CCDC18: variants seen among roughly 807,000 people sequenced by gnomAD.
CCDC18 encodes coiled-coil domain-containing protein 18.
Under a neutral mutation model 196.0 loss-of-function variants are expected in CCDC18, and 157 were observed. That is an observed-to-expected ratio of 0.80 (90% confidence interval 0.70 to 0.91). CCDC18 has a LOEUF of 0.91. Among genes scored for constraint, CCDC18 ranks in the 40% least tolerant of loss-of-function variants. The pLI is 0.00. For synonymous variants in CCDC18, 482 were observed against 529.2 expected, an observed-to-expected ratio of 0.91 and a Z score of 1.22; for missense variants, 1,465 against 1,611.6, an observed-to-expected ratio of 0.91 and a Z score of 1.56.
chr1:93,202,434 A>G (rs773665606), intron 7 of CCDC18, among the ~76,000 whole-genome samples: 12 of 152,232 alleles, frequency 7.9e-5, no homozygotes, highest in African/African-American at 1.7e-4. Context: ...TAGTGAGTTT[A>G]TTACATTCAT....
chr1:93,219,611 G>A (rs1657085882), intron 14 of CCDC18, among the ~76,000 whole-genome samples: 2 of 152,216 alleles, frequency 1.3e-5, no homozygotes, highest in South Asian at 4.1e-4. Context: ...ATAGTGGGAC[G>A]TCATGAGATT....
At chr1:93,193,479 TTTTCTC>T in intron 5 of CCDC18, 131 bp from the exon 6 acceptor site, 1 of 532,992 alleles carries the variant, frequency 1.9e-6, no homozygotes, top group Non-Finnish European at 3.1e-6. Flanking sequence ...GAATATGCCT[TTTTCTC>T]TATCTCTTTT....
intron 16 of CCDC18, among the ~76,000 whole-genome samples, chr1:93,226,012 G>A (rs1658223872): frequency 6.6e-6 from 1 of 152,018 alleles, no homozygotes; most frequent in South Asian, 2.1e-4. Flanking sequence ...TACTACCCTA[G>A]GCTTTTGCCA....
chr1:93,278,344 T>A (rs1665746260), intron 28 of CCDC18, 119 bp from the exon 29 acceptor site: 1 of 395,712 alleles, frequency 2.5e-6, no homozygotes, highest in Admixed American at 3.6e-5. Flanking sequence ...TATTTTTCAG[T>A]AGACTAAATA....
chr1:93,268,676 T>C (rs1230274360), intron 27 of CCDC18, among the ~76,000 whole-genome samples: 1 of 151,976 alleles, frequency 6.6e-6, no homozygotes, highest in East Asian at 1.9e-4. Context: ...CATGAAAAAA[T>C]GTTCATCATC....
At position 93,270,814 on chromosome 1, in the gene CCDC18, GGTA is replaced by G. The variant is rs1665189520; in HGVS notation, c.4353+1_4353+3del. The G allele has an allele frequency of 1.3e-6, 2 of 1,516,604 alleles. No homozygotes were observed. Among genetic ancestry groups the G allele is most frequent in the Non-Finnish European group, 1.8e-6 (2 of 1,131,356 alleles). 93.9% of individuals were successfully genotyped at this position (1,516,604 alleles called of 1,614,324 possible). A position where few individuals can be genotyped will look rare whatever the true frequency, so the allele number is the denominator to read the frequency against. On this transcript the variant is annotated splice_donor_variant and splice_donor_region_variant and intron_variant, in intron 28 of 28. Transcript: ENST00000690025. LOFTEE classifies it high-confidence loss of function. ...TGCAAACAGGTGCTGGTTTAAATCA[GGTA>G]TGTATTTTATACACTGTAAACTGTA... is the stretch of plus-strand genomic sequence containing the variant.
At position 93,228,757 on chromosome 1, in the gene CCDC18, C is replaced by T. The variant is rs375319895; in HGVS notation, c.2292+2308C>T. 2.5e-4 allele frequency among the ~76,000 whole-genome samples: 38 copies of T among 151,940 alleles called. 1 individual carries two copies. The South Asian group carries it at 7.7e-3, about 31-fold the overall frequency. The stretch of plus-strand genomic sequence containing the variant: ...TGGCATTTATTCTACTGCCCATACC[C>T]ACACTCCGCTTCATAATAAATAGAC... On this transcript the variant is annotated intron_variant, in intron 17 of 28. Transcript: ENST00000690025.
chr1:93,220,199 C>A (rs1316232280), intron 14 of CCDC18, among the ~76,000 whole-genome samples: 1 of 152,044 alleles, frequency 6.6e-6, no homozygotes. Context: ...GATTTCTCAT[C>A]AAAAACTATG....
chr1:93,274,187 G>A (rs1429194901), intron 28 of CCDC18, among the ~76,000 whole-genome samples: 9 of 151,902 alleles, frequency 5.9e-5, no homozygotes, highest in Admixed American at 5.2e-4. Context: ...GGTGGATCAC[G>A]AGGTCAGGAG....
chr1:93,223,385 A>G (rs757123860), intron 16 of CCDC18, among the ~76,000 whole-genome samples: 1 of 152,224 alleles, frequency 6.6e-6, no homozygotes, highest in African/African-American at 2.4e-5. Context: ...CTGATTCTAC[A>G]CATAAGTTAT....
At chr1:93,273,516 A>T (rs1570671104) in intron 28 of CCDC18, 2 of 152,408 alleles carry the variant, frequency 1.3e-5, no homozygotes, top group South Asian at 4.1e-4. Context: ...AAAGTCTAGT[A>T]GAATTGCCAG....
chr1:93,269,323 G>GC (rs1394665029), intron 27 of CCDC18, among the ~76,000 whole-genome samples: 1 of 151,516 alleles, frequency 6.6e-6, no homozygotes, highest in Non-Finnish European at 1.5e-5. Context: ...AATCCCTAAT[G>GC]TAAATGACGA....
chr1:93,259,603 G>T (rs1179832958), intron 26 of CCDC18, among the ~76,000 whole-genome samples: 1 of 152,176 alleles, frequency 6.6e-6, no homozygotes, highest in Non-Finnish European at 1.5e-5. Flanking sequence ...GATTGGTAGG[G>T]CTTGTGGGGA....
At chr1:93,249,758 A>C (rs551193213) in intron 23 of CCDC18, among the ~76,000 whole-genome samples, 2 of 152,336 alleles carry the variant, frequency 1.3e-5, no homozygotes, top group South Asian at 4.1e-4. Flanking sequence ...CATCATTTTC[A>C]GTAATATGTC....
At chr1:93,180,533 G>C (rs1649365386), upstream of CCDC18, 2 of 1,515,272 alleles carry the variant, frequency 1.3e-6, no homozygotes, top group African/African-American at 1.4e-5. Flanking sequence ...CGGTTCCCAT[G>C]GCTTCCCCCA....
At chr1:93,197,562 G>A (rs1557611475) in intron 6 of CCDC18, among the ~76,000 whole-genome samples, 1 of 151,450 alleles carries the variant, frequency 6.6e-6, no homozygotes, top group Non-Finnish European at 1.5e-5. Flanking sequence ...ATAGCTATTA[G>A]GGTTATCAAA....
At chr1:93,257,305 G>A (rs1663145724) in intron 25 of CCDC18, among the ~76,000 whole-genome samples, 1 of 147,276 alleles carries the variant, frequency 6.8e-6, no homozygotes, top group African/African-American at 2.5e-5. Flanking sequence ...GTAACTTTTA[G>A]GAAACCTGTA....
upstream of CCDC18, chr1:93,180,359 G>C: frequency 1.5e-6 from 2 of 1,347,394 alleles, no homozygotes; most frequent in Non-Finnish European, 2.0e-6. Context: ...AGAAACTCCA[G>C]GTGGCGGCCG....
intron 19 of CCDC18, among the ~76,000 whole-genome samples, chr1:93,237,175 G>A (rs1660175879): frequency 6.6e-6 from 1 of 152,170 alleles, no homozygotes; most frequent in African/African-American, 2.4e-5. Flanking sequence ...TTCCTCAGAT[G>A]TCTGTCACCC....
Sources: gnomAD v4.1 joint callset for allele counts (sites outside exome capture counted in the v4.1 genomes callset) on GRCh38, gnomAD v4.1.1 for gene constraint, MANE v1.5 for transcripts, NCBI Gene and HGNC (gene_info 2026-07-23, HGNC 2026-07-21) for gene names.